COL5A1: variants seen among roughly 807,000 people sequenced by gnomAD.
The protein encoded by COL5A1 is collagen alpha-1(V) chain.
A neutral mutation model predicts 263.7 loss-of-function variants in COL5A1; 16 were observed. The ratio of observed to expected loss-of-function variants is 0.06; its 90% CI spans 0.04 to 0.09. COL5A1 has a LOEUF of 0.09. Among genes scored for constraint, COL5A1 ranks in the 10% least tolerant of loss-of-function variants. The pLI is 1.00. For missense variants in COL5A1, 2,036 were observed against 2,540.5 expected (o/e 0.80, Z 4.27); for synonymous variants, 1,012 against 1,004.5 (o/e 1.01, Z -0.14).
chr9:134,746,333 C>T (rs929512109), intron 11 of COL5A1, among the ~76,000 whole-genome samples: 17 of 152,366 alleles, frequency 1.1e-4, no homozygotes, highest in African/African-American at 3.8e-4. Context: ...CTTTTCAACA[C>T]AAAGCCTCCT....
At position 134,728,751 on chromosome 9, in the gene COL5A1, C is replaced by G. The variant is rs754640324; in HGVS notation, c.868C>G (p.Pro290Ala). The G allele has an allele frequency of 6.2e-7, 1 of 1,614,182 alleles. No individual in the cohort carries two copies. Among genetic ancestry groups the G allele is most frequent in the Non-Finnish European group, 8.5e-7 (1 of 1,180,030 alleles). ...AGACCCCGAAGACCTAGGGAAGGAG[C>G]CCACCCCCAGCAAGAAGCCCGTGGA... Reference protein sequence around the residue: ...YEDPEDLGKEPTPSKKPVEAA... With the variant: ...YEDPEDLGKEATPSKKPVEAA... Residue 290 changes from proline (P) to alanine (A), a missense_variant, in exon 6 of 66, where the codon CCC (proline) becomes GCC (alanine). Around this residue, in one of 3 missense-constraint regions of COL5A1, gnomAD observed 600 missense variants for 634.5 expected, o/e 0.95. Transcript: ENST00000371817.
rs1229389579 is a variant in COL5A1, at chr9:134,750,967, G to A, written c.1662+85G>A. 17 of 1,174,324 alleles carry A rather than the reference G, an allele frequency of 1.4e-5. No homozygotes were observed. The East Asian group carries it at 4.0e-4, about 28-fold the overall frequency. 72.7% of individuals were successfully genotyped at this position (1,174,324 alleles called of 1,614,324 possible). A position where few individuals can be genotyped will look rare whatever the true frequency, so the allele number is the denominator to read the frequency against. ...CAGGAGTGAGTGAGTCAGGCTCAGA[G>A]CCCAACTTGGAGGGAAGCAGCTGTC... is the stretch of plus-strand genomic sequence containing the variant. On this transcript the variant is annotated intron_variant, in intron 13 of 65. Transcript: ENST00000371817.
chr9:134,738,159 G>A (rs1223057370), intron 9 of COL5A1, among the ~76,000 whole-genome samples: 1 of 152,212 alleles, frequency 6.6e-6, no homozygotes, highest in Non-Finnish European at 1.5e-5. Context: ...GGGTGATGCA[G>A]GGAGCCTGGC....
At chr9:134,792,792 T>C (rs9409994) in intron 32 of COL5A1, among the ~76,000 whole-genome samples, 3 of 137,382 alleles carry the variant, frequency 2.2e-5, no homozygotes, top group African/African-American at 6.0e-5. Context: ...CATATGTGTG[T>C]GTGCATGTGT....
rs551046778 is a variant in COL5A1 at position 134,805,082 on chromosome 9, C to G, written c.3204+18C>G. 6.2e-7 allele frequency: 1 copy of G among 1,613,470 alleles called. No homozygotes were observed. The highest frequency in any genetic ancestry group is 1.1e-5 in the South Asian group (1 of 91,074). On this transcript the variant is annotated intron_variant, in intron 40 of 65. Transcript: ENST00000371817. Reference sequence around the variant, plus strand: ...GTCCAGTGGTGAGTGAGAGGCCAGGCGGGGAATGAAATGGGACAGGTGCAG... The same window carrying G: ...GTCCAGTGGTGAGTGAGAGGCCAGGGGGGGAATGAAATGGGACAGGTGCAG...
intron 48 of COL5A1, among the ~76,000 whole-genome samples, chr9:134,813,562 C>A (rs1588580264): frequency 6.6e-6 from 1 of 152,224 alleles, no homozygotes; most frequent in South Asian, 2.1e-4. Flanking sequence ...TGTTTCTGTT[C>A]ACCTGCTGCC....
intron 18 of COL5A1, among the ~76,000 whole-genome samples, chr9:134,760,186 C>CG (rs1588515081): frequency 2.3e-4 from 24 of 103,574 alleles, no homozygotes; most frequent in East Asian, 1.4e-3. Context: ...CACACATACA[C>CG]CCCCACACCC....
intron 25 of COL5A1, among the ~76,000 whole-genome samples, chr9:134,769,436 T>C (rs1836796992): frequency 6.6e-6 from 1 of 152,266 alleles, no homozygotes; most frequent in Admixed American, 6.5e-5. Flanking sequence ...TGTTGTGTCC[T>C]TTAATTTACA....
intron 11 of COL5A1, among the ~76,000 whole-genome samples, chr9:134,746,450 GCCTCTCC>G (rs1465758635): frequency 6.6e-6 from 1 of 152,250 alleles, no homozygotes; most frequent in Non-Finnish European, 1.5e-5. Context: ...GAGGCCTTGT[GCCTCTCC>G]CCTGAGGTTG....
intron 47 of COL5A1, 49 bp from the exon 48 acceptor site, chr9:134,812,556 G>A (rs1838564877): frequency 1.2e-6 from 2 of 1,612,202 alleles, no homozygotes; most frequent in Admixed American, 1.7e-5. Context: ...CATGTTTTGG[G>A]GAAACATTTG....
chr9:134,771,389 G>A (rs887957706), intron 25 of COL5A1, among the ~76,000 whole-genome samples: 4 of 152,236 alleles, frequency 2.6e-5, no homozygotes, highest in Admixed American at 6.5e-5. Flanking sequence ...CCTTGTTTCC[G>A]GAAGGCGGCG....
intron 64 of COL5A1, among the ~76,000 whole-genome samples, chr9:134,833,883 G>C (rs1179166711): frequency 2.0e-5 from 3 of 152,204 alleles, no homozygotes; most frequent in African/African-American, 7.2e-5. Flanking sequence ...GCCAGAGCTG[G>C]AGTGGAGGGA....
chr9:134,649,361 A>G, intron 1 of COL5A1: 1 of 399,728 alleles, frequency 2.5e-6, no homozygotes, highest in Non-Finnish European at 5.0e-6. Flanking sequence ...ACTCAGACCT[A>G]AGAAATGGAA....
At chr9:134,783,873 T>C (rs949659389) in intron 29 of COL5A1, among the ~76,000 whole-genome samples, 1 of 152,214 alleles carries the variant, frequency 6.6e-6, no homozygotes, top group African/African-American at 2.4e-5. Flanking sequence ...TCCCAGCGGC[T>C]TCTCGGTTTG....
chr9:134,801,068 A>G (rs570611998), intron 37 of COL5A1, among the ~76,000 whole-genome samples: 1 of 152,246 alleles, frequency 6.6e-6, no homozygotes, highest in Non-Finnish European at 1.5e-5. Context: ...CCTTAAGGTC[A>G]TCTTTCTCCT....
intron 63 of COL5A1, among the ~76,000 whole-genome samples, chr9:134,828,538 C>T (rs967009466): frequency 1.4e-4 from 21 of 150,358 alleles, no homozygotes; most frequent in Non-Finnish European, 3.0e-4. Flanking sequence ...ACATACCACA[C>T]ACCACAGAGA....
chr9:134,826,683 G>GATGGGTGTGTGT (rs1839281536), intron 63 of COL5A1, among the ~76,000 whole-genome samples: 1 of 142,174 alleles, frequency 7.0e-6, no homozygotes, highest in South Asian at 2.3e-4. Context: ...ATGGGTGGTG[G>GATGGGTGTGTGT]ATGGGTGCGT....
rs200959477 is a variant in COL5A1, at chr9:134,731,639, G to A, written c.1308G>A (p.Ala436=). 1.6e-5 allele frequency: 26 copies of A among 1,613,876 alleles called. 1 individual carries two copies. The East Asian group carries it at 2.7e-4, about 17-fold the overall frequency. Reference sequence around the variant, plus strand: ...CGGAGATCGGGCCGGGAATGCCGGCGAACCAGGATACCATCTATGAAGGGG... The same window carrying A: ...CGGAGATCGGGCCGGGAATGCCGGCAAACCAGGATACCATCTATGAAGGGG... ...SPSEIGPGMP[A]NQDTIYEGIG... is the part of the protein sequence containing the mutation. The change falls in exon 8 of 66, where the codon GCG becomes GCA. Residue 436 remains alanine (A), a synonymous_variant. Coordinates refer to ENST00000371817, the MANE Select transcript of COL5A1 (RefSeq NM_000093.5).
At chr9:134,701,892 G>A (rs952774115) in intron 4 of COL5A1, among the ~76,000 whole-genome samples, 2 of 152,240 alleles carry the variant, frequency 1.3e-5, no homozygotes, top group African/African-American at 4.8e-5. Flanking sequence ...GTGGGCTCTG[G>A]GACCCTCACT....
Sources: allele counts gnomAD v4.1 joint callset (sites outside exome capture counted in the v4.1 genomes callset), GRCh38; gene constraint gnomAD v4.1.1; regional missense constraint gnomAD v4.1.1; transcripts MANE v1.5; gene names NCBI Gene and HGNC (gene_info 2026-07-23, HGNC 2026-07-21).